ABCA13: variants seen among roughly 807,000 people sequenced by gnomAD.
ABCA13 encodes the protein ATP-binding cassette sub-family A member 13.
A neutral mutation model predicts 478.7 loss-of-function variants in ABCA13; 476 were observed. The ratio of observed to expected loss-of-function variants is 0.99; its 90% confidence interval spans 0.92 to 1.07. The LOEUF (loss-of-function observed/expected upper bound fraction) is 1.07, where lower values mean the gene tolerates loss of function less well. ABCA13 is among the 50% of genes least tolerant of loss of function. The pLI is 0.00. For missense variants in ABCA13, 6,060 were observed against 5,910.6 expected, an observed-to-expected ratio of 1.03 and a Z score of -0.83; for synonymous variants, 2,252 against 2,158.9, an observed-to-expected ratio of 1.04 and a Z score of -1.20.
At chr7:48,183,719 G>A (rs933902052) in intron 1 of ABCA13, among the ~76,000 whole-genome samples, 1 of 152,196 alleles carries the variant, frequency 6.6e-6, no homozygotes, top group Non-Finnish European at 1.5e-5. Flanking sequence ...AGTGCCTGAC[G>A]TGGTACACAA....
intron 58 of ABCA13, among the ~76,000 whole-genome samples, chr7:48,606,396 C>T (rs1380610689): frequency 6.6e-6 from 1 of 152,052 alleles, no homozygotes; most frequent in Non-Finnish European, 1.5e-5. Flanking sequence ...CAGATGTGGT[C>T]TCTGAGTGGG....
chr7:48,456,388 TC>T (rs1330828060), intron 43 of ABCA13, among the ~76,000 whole-genome samples: 3 of 152,224 alleles, frequency 2.0e-5, no homozygotes, highest in African/African-American at 7.2e-5. Flanking sequence ...CTTGTCACAC[TC>T]CTCAACTATA....
intron 59 of ABCA13, chr7:48,626,487 TG>T: frequency 5.2e-6 from 2 of 385,622 alleles, no homozygotes; most frequent in African/African-American, 2.2e-5. Flanking sequence ...GACCAAATTA[TG>T]GGAAATATTA....
intron 40 of ABCA13, among the ~76,000 whole-genome samples, chr7:48,410,977 CTCTTTCTTTCTT>C (rs551665857): frequency 0.047 from 4,865 of 104,588 alleles, 242 homozygotes; most frequent in African/African-American, 0.06. Flanking sequence ...AAATTCTTTT[CTCTTTCTTTCTT>C]TCTTTCTTTC....
At chr7:48,240,502 T>G (rs1214361052) in intron 9 of ABCA13, among the ~76,000 whole-genome samples, 1 of 152,242 alleles carries the variant, frequency 6.6e-6, no homozygotes, top group Admixed American at 6.5e-5. Context: ...GTATTAACTT[T>G]GGTATATATT....
intron 15 of ABCA13, among the ~76,000 whole-genome samples, chr7:48,268,203 C>T (rs144500831): frequency 0.012 from 1,836 of 152,102 alleles, 20 homozygotes; most frequent in Middle Eastern, 0.027. Context: ...GTCACCCAGG[C>T]AGGAGTGCAG....
chr7:48,262,978 G>A (rs1349609198), intron 15 of ABCA13, among the ~76,000 whole-genome samples: 2 of 151,922 alleles, frequency 1.3e-5, no homozygotes, highest in Admixed American at 6.6e-5. Flanking sequence ...ACAGACATGG[G>A]TAAGGTGAGA....
Position 48,274,877 on chromosome 7 carries a change from A to C in ABCA13, c.5211A>C (p.Lys1737Asn), listed in dbSNP as rs1444842947. 1 of 1,613,932 alleles carries C rather than the reference A, an allele frequency of 6.2e-7. No homozygotes were observed. Among genetic ancestry groups the C allele is most frequent in the East Asian group, 2.2e-5 (1 of 44,878 alleles). ...TGCAGCTCTCACGCCTGTTTCCTAA[A>C]GATGTTGTGGATGCTGTGATAGATG... ...HLLQLSRLFPKDVVDAVIDVY... is the reference protein window; with the variant it reads ...HLLQLSRLFPNDVVDAVIDVY... The change falls in exon 17 of 62, where the codon AAA becomes AAC. Residue 1737 changes from lysine (K) to asparagine (N), a missense_variant. Physicochemically the swap from Lys to Asn is moderately conservative, Grantham distance 94. This residue lies in a region of ABCA13 where 4,423 missense variants were observed against 4,309.1 expected (regional missense o/e 1.03). Transcript: ENST00000435803.
chr7:48,360,939 TAAAC>T (rs1211636782), intron 31 of ABCA13, among the ~76,000 whole-genome samples: 2 of 151,366 alleles, frequency 1.3e-5, no homozygotes, highest in African/African-American at 2.4e-5. Context: ...CTACAGAAAA[TAAAC>T]AAAATTAGCT....
chr7:48,524,132 C>G, intron 53 of ABCA13, 116 bp from the exon 54 acceptor site: 2 of 932,704 alleles, frequency 2.1e-6, no homozygotes, highest in Non-Finnish European at 3.1e-6. Flanking sequence ...GCTGACTGCC[C>G]AGAAGTCCGA....
intron 56 of ABCA13, among the ~76,000 whole-genome samples, chr7:48,581,870 A>G (rs1357146678): frequency 6.6e-6 from 1 of 152,214 alleles, no homozygotes; most frequent in Non-Finnish European, 1.5e-5. Context: ...CCTTTTCTGG[A>G]AACAAATTTT....
intron 3 of ABCA13, among the ~76,000 whole-genome samples, chr7:48,214,889 A>G (rs1257986213): frequency 6.6e-6 from 1 of 152,214 alleles, no homozygotes; most frequent in Non-Finnish European, 1.5e-5. Flanking sequence ...CATTTTCTTT[A>G]AGAACCTTTT....
At position 48,637,396 on chromosome 7, in the gene ABCA13, A is replaced by C. The variant is rs1051322670; in HGVS notation, c.14838-5892A>C. ...GTTCATAAAGCAAAAAAAAAAAAAAAAAAAAAAAAACAGAGAGAGAAAGAA... is the reference window on the plus strand; with the variant it reads ...GTTCATAAAGCAAAAAAAAAAAAAACAAAAAAAAAACAGAGAGAGAAAGAA... On this transcript the variant is annotated intron_variant, in intron 59 of 61. Coordinates refer to ENST00000435803, the MANE Select transcript of ABCA13 (RefSeq NM_152701.5). Among the ~76,000 whole-genome samples the C allele has an allele frequency of 6.7e-5, 10 of 148,636 alleles. 1 individual carries two copies. Among genetic ancestry groups the C allele is most frequent in the African/African-American group, 2.2e-4 (9 of 40,082 alleles).
chr7:48,310,256 T>G, intron 24 of ABCA13, 115 bp downstream of exon 24: 1 of 1,132,918 alleles, frequency 8.8e-7, no homozygotes. Context: ...CTGGCCACTC[T>G]GCAGTGGTCT....
At chr7:48,243,349 T>C (rs1791158976) in intron 10 of ABCA13, among the ~76,000 whole-genome samples, 1 of 152,268 alleles carries the variant, frequency 6.6e-6, no homozygotes, top group Admixed American at 6.5e-5. Flanking sequence ...GCCACTCTGC[T>C]TCCTTCTCAG....
Position 48,273,381 on chromosome 7 carries a change from G to A in ABCA13, c.3715G>A (p.Gly1239Ser), listed in dbSNP as rs779122698. The A allele has an allele frequency of 5.6e-6, 9 of 1,613,586 alleles. No homozygotes were observed. The East Asian group carries it at 2.0e-4, about 36-fold the overall frequency. The change falls in exon 17 of 62, where the codon GGT (glycine) becomes AGT (serine). Residue 1239 changes from glycine (G) to serine (S), a missense_variant. By Grantham distance (56) the Gly-to-Ser change is moderately conservative. Transcript: ENST00000435803. ...LDLRDFLVAL[G>S]NALVSVKKLN... ...TCTCAGGGATTTTTTGGTAGCTTTA[G>A]GTAATGCATTAGTTTCAGTAAAAAA...
intron 58 of ABCA13, among the ~76,000 whole-genome samples, chr7:48,599,679 A>G (rs190795177): frequency 2.7e-4 from 41 of 152,344 alleles, no homozygotes; most frequent in Admixed American, 1.1e-3. Context: ...GTACTGCAGT[A>G]TCCAACTCCA....
intron 53 of ABCA13, among the ~76,000 whole-genome samples, chr7:48,521,284 G>A (rs1190391736): frequency 6.6e-6 from 1 of 152,108 alleles, no homozygotes; most frequent in Non-Finnish European, 1.5e-5. Flanking sequence ...TCTACTTGAG[G>A]GAGGGATCCT....
At chr7:48,311,928 G>A (rs888416073) in intron 24 of ABCA13, among the ~76,000 whole-genome samples, 10 of 152,140 alleles carry the variant, frequency 6.6e-5, no homozygotes, top group East Asian at 1.9e-4. Context: ...TTGGAGCTGC[G>A]CTGGATCCCT....
Sources: allele counts gnomAD v4.1 joint callset (sites outside exome capture counted in the v4.1 genomes callset), GRCh38; gene constraint gnomAD v4.1.1; regional missense constraint gnomAD v4.1.1; transcripts MANE v1.5; gene names NCBI Gene and HGNC (gene_info 2026-07-23, HGNC 2026-07-21).